Variants in TRAF2 observed in about 807,000 individuals in gnomAD.
TRAF2 encodes TNF receptor-associated factor 2.
In TRAF2, 6 loss-of-function variants were observed where a neutral mutation model predicts 55.6. The ratio of observed to expected loss-of-function variants is 0.11; its 90% CI spans 0.06 to 0.21. The LOEUF (loss-of-function observed/expected upper bound fraction) is 0.21, where lower values mean the gene tolerates loss of function less well. TRAF2 is among the 10% of genes least tolerant of loss of function. TRAF2 has a pLI of 1.00. For synonymous variants in TRAF2, 329 were observed against 276.3 expected, an observed-to-expected ratio of 1.19 and a Z score of -1.89; for missense variants, 561 against 684.5, an observed-to-expected ratio of 0.82 and a Z score of 2.01.
rs751900519 is a variant in TRAF2, at chr9:136,898,699, G to T, written c.-28-14G>T. ...CTGGAATTGAGGTGTAACGTGCTGTGTGTTCTTCCTTAGGGCTTTGTTCGC... is the reference window on the plus strand; with the variant it reads ...CTGGAATTGAGGTGTAACGTGCTGTTTGTTCTTCCTTAGGGCTTTGTTCGC... On this transcript the variant is annotated splice_polypyrimidine_tract_variant and intron_variant, in intron 1 of 10. Transcript: ENST00000247668. 6 of 1,611,516 alleles carry T rather than the reference G, an allele frequency of 3.7e-6. No individual in the cohort carries two copies. Among genetic ancestry groups the T allele is most frequent in the Non-Finnish European group, 4.2e-6 (5 of 1,179,782 alleles).
intron 4 of TRAF2, among the ~76,000 whole-genome samples, chr9:136,901,540 G>A (rs1158548882): frequency 6.6e-6 from 1 of 152,210 alleles, no homozygotes. Context: ...ATTCCACTTA[G>A]GGGCCACCCT....
intron 5 of TRAF2, among the ~76,000 whole-genome samples, chr9:136,908,637 C>T (rs534920190): frequency 3.9e-5 from 6 of 152,192 alleles, no homozygotes; most frequent in African/African-American, 1.2e-4. Flanking sequence ...GAGGCCGAGG[C>T]GGGCAGATCA....
At chr9:136,920,628 A>T in intron 8 of TRAF2, 113 bp downstream of exon 8, 1 of 1,352,224 alleles carries the variant, frequency 7.4e-7, no homozygotes, top group Non-Finnish European at 9.8e-7. Flanking sequence ...ACAATGTAGA[A>T]CTCCATCTGC....
At chr9:136,902,786 T>C (rs567791123) in intron 4 of TRAF2, among the ~76,000 whole-genome samples, 3 of 152,294 alleles carry the variant, frequency 2.0e-5, no homozygotes, top group South Asian at 2.1e-4. Context: ...CCGCCTCTCT[T>C]TGCTCTCCGG....
At chr9:136,895,352 CTT>C (rs1849658123) in intron 1 of TRAF2, among the ~76,000 whole-genome samples, 4 of 152,180 alleles carry the variant, frequency 2.6e-5, no homozygotes, top group Admixed American at 6.5e-5. Flanking sequence ...CCGGGACACT[CTT>C]TTGGCAACTT....
At chr9:136,906,668 CT>C (rs1338111249) in intron 4 of TRAF2, among the ~76,000 whole-genome samples, 2 of 152,182 alleles carry the variant, frequency 1.3e-5, no homozygotes, top group Admixed American at 1.3e-4. Context: ...ACAAAAAGCC[CT>C]GTTTAGTTTT....
Position 136,923,964 on chromosome 9 carries a change from G to A in TRAF2, c.1251G>A (p.Pro417=), listed in dbSNP as rs556228371. 136 of 1,613,870 alleles carry A rather than the reference G, an allele frequency of 8.4e-5. No individual in the cohort carries two copies. The highest frequency in any genetic ancestry group is 1.0e-4 in the Non-Finnish European group (122 of 1,179,988). ...LSLFFVVMKG[P]NDALLRWPFN... ...TCTTCTTTGTGGTGATGAAGGGCCCGAATGACGCCCTGCTGCGGTGGCCCT... is the reference window on the plus strand; with the variant it reads ...TCTTCTTTGTGGTGATGAAGGGCCCAAATGACGCCCTGCTGCGGTGGCCCT... The change falls in exon 10 of 11, where the codon CCG becomes CCA. Residue 417 remains proline, a synonymous_variant. Transcript: ENST00000247668.
At chr9:136,908,949 A>G (rs1462541335) in intron 5 of TRAF2, among the ~76,000 whole-genome samples, 1 of 150,556 alleles carries the variant, frequency 6.6e-6, no homozygotes, top group Non-Finnish European at 1.5e-5. Flanking sequence ...GAGGCAGGAG[A>G]ATTGCTTGAA....
intron 8 of TRAF2, among the ~76,000 whole-genome samples, 161 bp downstream of exon 8, chr9:136,920,676 C>T (rs528074499): frequency 3.9e-5 from 6 of 152,310 alleles, no homozygotes; most frequent in Non-Finnish European, 5.9e-5. Context: ...AGGCTCTGGC[C>T]CCCTTCATTT....
At chr9:136,921,739 T>C (rs1449502669) in intron 9 of TRAF2, among the ~76,000 whole-genome samples, 1 of 150,696 alleles carries the variant, frequency 6.6e-6, no homozygotes, top group Non-Finnish European at 1.5e-5. Context: ...CTTGAGAGGG[T>C]GCTCGTGGGG....
intron 6 of TRAF2, among the ~76,000 whole-genome samples, chr9:136,912,055 G>C (rs182893491): frequency 1.3e-5 from 2 of 150,608 alleles, no homozygotes; most frequent in African/African-American, 4.9e-5. Context: ...GGGTTTCACC[G>C]TGTTGACCAG....
intron 1 of TRAF2, 68 bp downstream of exon 1, chr9:136,886,609 G>A (rs1292692360): frequency 1.0e-6 from 1 of 972,198 alleles, no homozygotes; most frequent in South Asian, 4.6e-5. Flanking sequence ...GGTCGGGCGC[G>A]GGGTCGGGCG....
At chr9:136,882,836 G>A (rs1455395298), upstream of TRAF2, 8 of 739,206 alleles carry the variant, frequency 1.1e-5, no homozygotes, top group African/African-American at 1.5e-4. Flanking sequence ...CTCTCAGTCA[G>A]GCTGGTATCA....
rs562474576 is a variant in TRAF2, at chr9:136,892,711, C to G, written c.-28-6002C>G. Among the ~76,000 whole-genome samples the G allele has an allele frequency of 5.9e-5, 9 of 152,052 alleles. No homozygotes were observed. The East Asian group carries it at 1.7e-3, about 30-fold the overall frequency. On this transcript the variant is annotated intron_variant, in intron 1 of 10. Transcript: ENST00000247668. The stretch of plus-strand genomic sequence containing the variant: ...CCTGGCCAACATGGTGAAACCCTGT[C>G]TCTACTAAAAATACAAAAATTAGCC...
Position 136,891,962 on chromosome 9 carries a change from C to T in TRAF2, c.-29+5421C>T, listed in dbSNP as rs149466043. Among the ~76,000 whole-genome samples the T allele has an allele frequency of 4.5e-3, 681 of 151,538 alleles. 6 individuals are homozygous for T. The highest frequency in any genetic ancestry group is 0.016 in the African/African-American group (648 of 41,336). On this transcript the variant is annotated intron_variant, in intron 1 of 10. Transcript: ENST00000247668. ...CTCGATCACCACCTCAGGTGATCCACCCGCCTCAGCCTCCCAAAGTGCTGG... is the reference window on the plus strand; with the variant it reads ...CTCGATCACCACCTCAGGTGATCCATCCGCCTCAGCCTCCCAAAGTGCTGG...
intron 4 of TRAF2, among the ~76,000 whole-genome samples, chr9:136,906,489 C>T (rs967099524): frequency 5.3e-5 from 8 of 152,076 alleles, no homozygotes; most frequent in South Asian, 2.1e-4. Flanking sequence ...CTTACTATCA[C>T]GAGAGCAGCA....
At chr9:136,909,854 G>C in intron 5 of TRAF2, 66 bp from the exon 6 acceptor site, 1 of 1,550,882 alleles carries the variant, frequency 6.4e-7, no homozygotes, top group Non-Finnish European at 8.9e-7. Context: ...TGAGCACTGT[G>C]TGCCGCCCTC....
intron 7 of TRAF2, among the ~76,000 whole-genome samples, chr9:136,918,060 A>G (rs966905379): frequency 6.6e-6 from 1 of 151,680 alleles, no homozygotes; most frequent in African/African-American, 2.4e-5. Context: ...CACGCCGCGC[A>G]CAGCATGGTC....
intron 8 of TRAF2, 111 bp downstream of exon 8, chr9:136,920,626 G>T (rs1034671364): frequency 2.9e-6 from 4 of 1,364,784 alleles, no homozygotes; most frequent in Admixed American, 5.5e-5. Context: ...GGACAATGTA[G>T]AACTCCATCT....
Sources: allele counts gnomAD v4.1 joint callset (sites outside exome capture counted in the v4.1 genomes callset), GRCh38; gene constraint gnomAD v4.1.1; transcripts MANE v1.5; gene names NCBI Gene and HGNC (gene_info 2026-07-23, HGNC 2026-07-21).